NALCN: variants seen among roughly 807,000 people sequenced by gnomAD.
NALCN encodes the protein sodium leak channel NALCN.
In NALCN, 111 loss-of-function variants were observed where a neutral mutation model predicts 225.3. That is an observed-to-expected ratio of 0.49 (90% confidence interval 0.42 to 0.58). The LOEUF (loss-of-function observed/expected upper bound fraction) is 0.58. NALCN is among the 20% of genes least tolerant of loss of function. The probability of loss-of-function intolerance (pLI) is 0.00; values close to 1 mark genes in which losing one functional copy is unlikely to be tolerated. For synonymous variants in NALCN, 764 were observed against 769.0 expected, an observed-to-expected ratio of 0.99 and a Z score of 0.11; for missense variants, 1,378 against 2,202.4, an observed-to-expected ratio of 0.63 and a Z score of 7.49.
rs554724839 is a variant in NALCN at position 101,273,199 on chromosome 13, A to G, written c.1134+10734T>C. Among the ~76,000 whole-genome samples, 7 of 152,352 alleles carry G rather than the reference A, an allele frequency of 4.6e-5. No individual in the cohort carries two copies. In the South Asian group the frequency reaches 1.0e-3, roughly 23 times the overall value. On this transcript the variant is annotated intron_variant, in intron 10 of 43. Transcript: ENST00000251127. ...ACATCTGTCAAAGTGTCAAGAGATG[A>G]AAACTCCTACCTGAGCAGCAGCGGG...
intron 22 of NALCN, 95 bp from the exon 23 acceptor site, chr13:101,105,045 C>G: frequency 9.5e-7 from 1 of 1,056,220 alleles, no homozygotes; most frequent in South Asian, 1.3e-5. Context: ...TACCTAAAAT[C>G]TCTTTTACAG....
chr13:101,268,654 T>A (rs926950731), intron 10 of NALCN, among the ~76,000 whole-genome samples: 3 of 152,196 alleles, frequency 2.0e-5, no homozygotes, highest in African/African-American at 7.2e-5. Flanking sequence ...AAGCCATTTC[T>A]GGGCATTGGG....
chr13:101,094,091 G>A (rs948535008), intron 28 of NALCN, among the ~76,000 whole-genome samples: 34 of 152,304 alleles, frequency 2.2e-4, no homozygotes, highest in African/African-American at 7.2e-4. Context: ...TGCAGTCTTT[G>A]GGTGATTCTC....
chr13:101,266,047 T>G (rs994661891), intron 10 of NALCN, among the ~76,000 whole-genome samples: 1 of 152,218 alleles, frequency 6.6e-6, no homozygotes, highest in South Asian at 2.1e-4. Context: ...CTTGTCTCTG[T>G]GCTGGATTTC....
chr13:101,376,646 A>G, intron 6 of NALCN, 54 bp downstream of exon 6: 1 of 1,540,784 alleles, frequency 6.5e-7, no homozygotes. Context: ...TGAAAATTAC[A>G]GAGATATCTT....
At chr13:101,148,596 A>C (rs115881729) in intron 15 of NALCN, among the ~76,000 whole-genome samples, 344 of 152,322 alleles carry the variant, frequency 2.3e-3, no homozygotes, top group African/African-American at 8.1e-3. Flanking sequence ...GACCCCTTGC[A>C]CAACAGTTCT....
chr13:101,300,197 G>A (rs770938191), intron 7 of NALCN, among the ~76,000 whole-genome samples: 4 of 152,060 alleles, frequency 2.6e-5, no homozygotes, highest in Non-Finnish European at 5.9e-5. Flanking sequence ...TTTACTAAAC[G>A]ATAAAGCAGC....
At chr13:101,149,684 C>T (rs980518965) in intron 15 of NALCN, among the ~76,000 whole-genome samples, 1 of 152,210 alleles carries the variant, frequency 6.6e-6, no homozygotes, top group Admixed American at 6.5e-5. Flanking sequence ...CATTGCCCTA[C>T]AGTTGTGCAT....
At chr13:101,171,252 T>C (rs969765507) in intron 15 of NALCN, among the ~76,000 whole-genome samples, 192 of 137,394 alleles carry the variant, frequency 1.4e-3, no homozygotes, top group African/African-American at 4.6e-3. Context: ...ACACACATTA[T>C]GTATAATTTA....
At chr13:101,153,658 G>A (rs1425690723) in intron 15 of NALCN, among the ~76,000 whole-genome samples, 6 of 152,086 alleles carry the variant, frequency 3.9e-5, no homozygotes, top group African/African-American at 1.4e-4. Context: ...GGCTGCTCTT[G>A]GCAAAGTCAG....
At chr13:101,328,126 A>G (rs2045027397) in intron 7 of NALCN, among the ~76,000 whole-genome samples, 1 of 152,182 alleles carries the variant, frequency 6.6e-6, no homozygotes, top group Admixed American at 6.5e-5. Context: ...GCATTGCTTT[A>G]AGTCTTTAGA....
chr13:101,401,778 A>G (rs2047485053), intron 1 of NALCN, among the ~76,000 whole-genome samples: 2 of 152,170 alleles, frequency 1.3e-5, no homozygotes, highest in Admixed American at 6.5e-5. Flanking sequence ...TGCCCAAGAA[A>G]TGATCTAAGC....
At chr13:101,277,050 A>G (rs2042993617) in intron 10 of NALCN, among the ~76,000 whole-genome samples, 1 of 152,090 alleles carries the variant, frequency 6.6e-6, no homozygotes, top group Non-Finnish European at 1.5e-5. Context: ...ATGTTTGTGT[A>G]TATATACACA....
intron 22 of NALCN, among the ~76,000 whole-genome samples, chr13:101,105,739 C>A (rs1158653159): frequency 6.6e-6 from 1 of 152,122 alleles, no homozygotes; most frequent in African/African-American, 2.4e-5. Context: ...GACTCAGTTG[C>A]TTTAAATTGT....
intron 7 of NALCN, among the ~76,000 whole-genome samples, chr13:101,304,594 C>A (rs1020435731): frequency 6.6e-6 from 1 of 152,038 alleles, no homozygotes; most frequent in Non-Finnish European, 1.5e-5. Flanking sequence ...CTCACTACCA[C>A]GCCTGGTTAA....
chr13:101,081,501 G>A, intron 34 of NALCN, 26 bp downstream of exon 34: 1 of 1,613,414 alleles, frequency 6.2e-7, no homozygotes, highest in South Asian at 1.1e-5. Context: ...ATAATCAGCT[G>A]AAATCAACTT....
chr13:101,335,349 A>G (rs528779238), intron 7 of NALCN, among the ~76,000 whole-genome samples: 2 of 152,192 alleles, frequency 1.3e-5, no homozygotes, highest in Admixed American at 1.3e-4. Flanking sequence ...AGAACCTGAG[A>G]AACCTAAAGA....
At chr13:101,194,863 T>C (rs1268551217) in intron 13 of NALCN, among the ~76,000 whole-genome samples, 1 of 151,930 alleles carries the variant, frequency 6.6e-6, no homozygotes, top group African/African-American at 2.4e-5. Context: ...AATTAGCCAG[T>C]TGTGGTGATG....
intron 38 of NALCN, among the ~76,000 whole-genome samples, chr13:101,068,441 C>G (rs2032597987): frequency 1.3e-5 from 2 of 152,118 alleles, no homozygotes; most frequent in Admixed American, 6.5e-5. Flanking sequence ...GATATTTGTT[C>G]AACTCAATCC....
Sources: gnomAD v4.1 joint callset for allele counts (sites outside exome capture counted in the v4.1 genomes callset) on GRCh38, gnomAD v4.1.1 for gene constraint, MANE v1.5 for transcripts, NCBI Gene and HGNC (gene_info 2026-07-23, HGNC 2026-07-21) for gene names.